The following PIBF1 variants were observed in gnomAD, a reference collection of about 807,000 sequenced individuals.
PIBF1 encodes the protein progesterone immunomodulatory binding factor 1, also known as progesterone-induced-blocking factor 1.
Under a neutral mutation model 112.5 loss-of-function variants are expected in PIBF1, and 90 were observed. The ratio of observed to expected loss-of-function variants is 0.80; its 90% confidence interval spans 0.67 to 0.95. PIBF1 has a LOEUF of 0.95. Among genes scored for constraint, PIBF1 ranks in the 40% least tolerant of loss-of-function variants. The pLI, the probability that PIBF1 is intolerant of heterozygous loss-of-function variation, is 0.00. For missense variants in PIBF1, 915 were observed against 852.3 expected (o/e 1.07, Z -0.92); for synonymous variants, 301 against 288.6 (o/e 1.04, Z -0.44).
chr13:72,914,768 C>T (rs2041023751), intron 12 of PIBF1, among the ~76,000 whole-genome samples: 1 of 152,068 alleles, frequency 6.6e-6, no homozygotes, highest in Admixed American at 6.6e-5. Context: ...TTTGTAGAGA[C>T]ACGGTCTCAC....
At chr13:72,910,731 C>T (rs934479912) in intron 12 of PIBF1, among the ~76,000 whole-genome samples, 2 of 152,018 alleles carry the variant, frequency 1.3e-5, no homozygotes, top group Admixed American at 6.5e-5. Flanking sequence ...AACTACTAAA[C>T]CTGATAAGTG....
intron 2 of PIBF1, among the ~76,000 whole-genome samples, chr13:72,786,707 T>G (rs1420199459): frequency 6.6e-6 from 1 of 152,190 alleles, no homozygotes; most frequent in Non-Finnish European, 1.5e-5. Context: ...AATGTCTCCT[T>G]CATTTAACTA....
intron 5 of PIBF1, among the ~76,000 whole-genome samples, chr13:72,820,893 TC>T (rs2036528866): frequency 6.6e-6 from 1 of 152,222 alleles, no homozygotes. Flanking sequence ...TTTAATCATT[TC>T]TTTTTTAGCT....
chr13:73,010,810 CTTTTTTTT>C (rs1176079981), intron 17 of PIBF1, among the ~76,000 whole-genome samples: 44 of 40,304 alleles, frequency 1.1e-3, no homozygotes, highest in African/African-American at 2.1e-3. Context: ...ATTAACTTTT[CTTTTTTTT>C]TTTTTTTTTT....
At chr13:72,812,490 G>A (rs1345745358) in intron 5 of PIBF1, among the ~76,000 whole-genome samples, 2 of 152,082 alleles carry the variant, frequency 1.3e-5, no homozygotes, top group Non-Finnish European at 2.9e-5. Context: ...CCAGCACTTT[G>A]GGAGGCCAAG....
chr13:72,930,650 C>T (rs1458748446), intron 13 of PIBF1, among the ~76,000 whole-genome samples: 4 of 152,108 alleles, frequency 2.6e-5, no homozygotes, highest in Non-Finnish European at 4.4e-5. Flanking sequence ...TATAGACATT[C>T]TCTAAGTTTT....
chr13:72,796,973 T>G (rs1262936157), intron 4 of PIBF1, among the ~76,000 whole-genome samples: 1 of 152,198 alleles, frequency 6.6e-6, no homozygotes, highest in Admixed American at 6.5e-5. Flanking sequence ...TCAGATTGCA[T>G]GCCTATATGA....
At position 73,016,042 on chromosome 13, in the gene PIBF1, AATATT is replaced by A. The variant is rs1204191653; in HGVS notation, c.*125_*129del. On this transcript the variant is annotated 3_prime_UTR_variant, in exon 18 of 18. Transcript: ENST00000326291. ...TTAAATAACAATGTTTATTTGAACT[AATATT>A]AAATTAACAAATTCAGTGTAATCAA... 2.6e-6 allele frequency: 1 copy of A among 390,158 alleles called. No individual in the cohort carries two copies. Among genetic ancestry groups the A allele is most frequent in the Non-Finnish European group, 4.5e-6 (1 of 219,862 alleles). 24.2% of individuals were successfully genotyped at this position (390,158 alleles called of 1,614,324 possible).
intron 17 of PIBF1, among the ~76,000 whole-genome samples, chr13:73,015,277 C>T (rs553858013): frequency 1.3e-5 from 2 of 152,344 alleles, no homozygotes; most frequent in Non-Finnish European, 2.9e-5. Context: ...CAGGCATGAG[C>T]CACCGCGCCC....
chr13:72,968,426 G>A lies in PIBF1; in HGVS notation c.1964+3022G>A, dbSNP rs184693294. Among the ~76,000 whole-genome samples, 12 of 151,352 alleles carry A rather than the reference G, an allele frequency of 7.9e-5. 1 individual carries two copies. Among genetic ancestry groups the A allele is most frequent in the South Asian group, 4.2e-4 (2 of 4,758 alleles). Reference sequence around the variant, plus strand: ...AGCGATTCTCCTGTCTCAGCCTCCCGAGTAGCTGGGATAACAAGCACCCAC... The same window carrying A: ...AGCGATTCTCCTGTCTCAGCCTCCCAAGTAGCTGGGATAACAAGCACCCAC... On this transcript the variant is annotated intron_variant, in intron 15 of 17. Coordinates refer to ENST00000326291, the MANE Select transcript of PIBF1 (RefSeq NM_006346.4).
intron 17 of PIBF1, among the ~76,000 whole-genome samples, chr13:73,008,835 C>T (rs751557657): frequency 1.1e-4 from 16 of 152,120 alleles, no homozygotes; most frequent in Non-Finnish European, 2.1e-4. Flanking sequence ...CTACTGCTGG[C>T]GAGACACTTC....
intron 14 of PIBF1, among the ~76,000 whole-genome samples, chr13:72,958,913 G>C (rs2042531311): frequency 6.6e-6 from 1 of 152,058 alleles, no homozygotes; most frequent in Non-Finnish European, 1.5e-5. Context: ...CAGAATCTGA[G>C]ACCCAACCCT....
chr13:72,960,946 A>AT (rs994628767), intron 14 of PIBF1, among the ~76,000 whole-genome samples: 2 of 151,962 alleles, frequency 1.3e-5, no homozygotes, highest in African/African-American at 2.4e-5. Flanking sequence ...TATTCATGGT[A>AT]TTTTTTTCTT....
At chr13:72,954,698 G>A (rs755814127) in intron 14 of PIBF1, among the ~76,000 whole-genome samples, 2 of 152,194 alleles carry the variant, frequency 1.3e-5, no homozygotes, top group Non-Finnish European at 2.9e-5. Flanking sequence ...CCCATCTTAT[G>A]CTCTGGAGAT....
intron 16 of PIBF1, among the ~76,000 whole-genome samples, chr13:72,995,668 G>T (rs575849550): frequency 3.0e-4 from 45 of 152,124 alleles, no homozygotes; most frequent in African/African-American, 1.1e-3. Context: ...AAAAAGAAAA[G>T]AGGCTGGGCA....
chr13:72,843,570 C>A (rs1193576719), intron 9 of PIBF1, among the ~76,000 whole-genome samples: 1 of 152,182 alleles, frequency 6.6e-6, no homozygotes, highest in Non-Finnish European at 1.5e-5. Context: ...TGCCACTATG[C>A]CCAGCTAATT....
At chr13:72,994,397 T>G (rs887947220) in intron 16 of PIBF1, among the ~76,000 whole-genome samples, 1 of 152,170 alleles carries the variant, frequency 6.6e-6, no homozygotes, top group African/African-American at 2.4e-5. Context: ...TGTTGGAAAG[T>G]TGAAGTACAA....
At position 72,887,355 on chromosome 13, in the gene PIBF1, G is replaced by A. The variant is rs1040077285; in HGVS notation, c.1323-6429G>A. Among the ~76,000 whole-genome samples the A allele has an allele frequency of 6.6e-5, 10 of 151,888 alleles. No homozygotes were observed. The South Asian group carries it at 2.1e-3, about 31-fold the overall frequency. The stretch of plus-strand genomic sequence containing the variant: ...ATGGATATATATGTGTGTGAATATA[G>A]TTTACATAAAACTTGTATACTTTTT... On this transcript the variant is annotated intron_variant, in intron 10 of 17. Coordinates refer to ENST00000326291, the MANE Select transcript of PIBF1 (RefSeq NM_006346.4).
intron 15 of PIBF1, among the ~76,000 whole-genome samples, chr13:72,966,695 G>A (rs983792995): frequency 1.3e-5 from 2 of 151,980 alleles, no homozygotes; most frequent in African/African-American, 4.8e-5. Flanking sequence ...GATCACCTGA[G>A]GTCAGGAATT....
Sources: gnomAD v4.1 joint callset for allele counts (sites outside exome capture counted in the v4.1 genomes callset) on GRCh38, gnomAD v4.1.1 for gene constraint, MANE v1.5 for transcripts, NCBI Gene and HGNC (gene_info 2026-07-23, HGNC 2026-07-21) for gene names.